Variants in PLA2G4F observed in about 807,000 individuals in gnomAD.
The protein encoded by PLA2G4F is cytosolic phospholipase A2 zeta.
In PLA2G4F, 105 loss-of-function variants were observed where a neutral mutation model predicts 103.1. The observed-to-expected ratio is 1.02, with a 90% CI of 0.87 to 1.20. The LOEUF is 1.20. Among genes scored for constraint, PLA2G4F ranks in the 50% most tolerant of loss-of-function variants. The probability of loss-of-function intolerance (pLI) is 0.00; values close to 1 mark genes in which losing one functional copy is unlikely to be tolerated. For missense variants in PLA2G4F, 1,155 were observed against 1,075.9 expected, an observed-to-expected ratio of 1.07 and a Z score of -1.03; for synonymous variants, 468 against 441.1, an observed-to-expected ratio of 1.06 and a Z score of -0.76.
intron 11 of PLA2G4F, chr15:42,149,165 C>A (rs966525658): frequency 3.6e-5 from 35 of 985,124 alleles, no homozygotes; most frequent in Non-Finnish European, 4.1e-5. Flanking sequence ...CAACTGTCCC[C>A]CTCCAAATTC....
intron 13 of PLA2G4F, chr15:42,146,766 T>A (rs2141129249): frequency 4.0e-6 from 1 of 251,536 alleles, no homozygotes; most frequent in East Asian, 9.8e-5. Context: ...GGTGTGGCGC[T>A]GGGCCTCACT....
At chr15:42,146,270 G>A in intron 13 of PLA2G4F, 29 bp from the exon 14 acceptor site, 1 of 1,601,982 alleles carries the variant, frequency 6.2e-7, no homozygotes, top group Non-Finnish European at 8.6e-7. Context: ...AGGCAGCTTG[G>A]CCTTTCAGGA....
chr15:42,145,597 G>C lies in PLA2G4F; in HGVS notation c.1758C>G (p.Tyr586Ter). Residue 586 changes from tyrosine to a stop codon, truncating the protein, a stop_gained, in exon 16 of 20, where the codon TAC becomes TAG. Transcript: ENST00000397272. LOFTEE classifies it high-confidence loss of function. ...CACCTGTGATATTCACACTGCCTCT[G>C]TACCACTCCAGGAAGCTGAGGCCCG... is the stretch of plus-strand genomic sequence containing the variant. ...AGSGLSFLEW[Y>*]RGSVNITDDC... The C allele has an allele frequency of 1.2e-6, 2 of 1,614,082 alleles. No homozygotes were observed. Among genetic ancestry groups the C allele is most frequent in the South Asian group, 2.2e-5 (2 of 91,078 alleles).
rs772537698 is a variant in PLA2G4F, at chr15:42,147,768, T to C, written c.1060-6A>G. 3 of 1,611,778 alleles carry C rather than the reference T, an allele frequency of 1.9e-6. No individual in the cohort carries two copies. The highest frequency in any genetic ancestry group is 2.5e-6 in the Non-Finnish European group (3 of 1,178,866). On this transcript the variant is annotated splice_region_variant and splice_polypyrimidine_tract_variant and intron_variant, in intron 11 of 19. Transcript: ENST00000397272. ...AACACAGCCACTACAGGCACCTGGG[T>C]ACAATAATAACAAGGATAACGACTC...
In PLA2G4F at chr15:42,154,294, C is replaced by T. The variant is rs200492623; in HGVS notation, c.321+28G>A. ...GTAGCTGCCTGAGGAGTTCCCCTCC[C>T]GCAGCCTGGCCCCTGGCTGGCCCTC... On this transcript the variant is annotated intron_variant, in intron 3 of 19. Transcript: ENST00000397272. The T allele has an allele frequency of 2.1e-5, 33 of 1,608,592 alleles. No individual in the cohort carries two copies. The East Asian group carries it at 3.4e-4, about 16-fold the overall frequency.
chr15:42,151,751 A>T (rs1467765447), intron 7 of PLA2G4F: 1 of 814,316 alleles, frequency 1.2e-6, no homozygotes, highest in East Asian at 1.2e-4. Context: ...AGAAGAAACC[A>T]TATAATCCGT....
Position 42,145,678 on chromosome 15 carries a change from C to T in PLA2G4F, c.1677G>A (p.Met559Ile), listed in dbSNP as rs770228280. ...PEPRICYLQG[M>I]WGSAFATSLD... ...GGCTGGTGGCAAAGGCGCTGCCCCACATACCTAAGGAGACAGGCAGGCCCC... is the reference window on the plus strand; with the variant it reads ...GGCTGGTGGCAAAGGCGCTGCCCCATATACCTAAGGAGACAGGCAGGCCCC... Residue 559 changes from methionine to isoleucine, a missense_variant, in exon 16 of 20, where the codon ATG (methionine) becomes ATA (isoleucine). By Grantham distance (10) the Met-to-Ile change is conservative. Transcript: ENST00000397272. 3 of 1,613,962 alleles carry T rather than the reference C, an allele frequency of 1.9e-6. No individual in the cohort carries two copies. Among genetic ancestry groups the T allele is most frequent in the Admixed American group, 3.3e-5 (2 of 60,010 alleles).
At chr15:42,150,898 C>T in intron 7 of PLA2G4F, 121 bp from the exon 8 acceptor site, 14 of 1,477,792 alleles carry the variant, frequency 9.5e-6, no homozygotes, top group East Asian at 2.5e-5. Flanking sequence ...AATGCCAGCT[C>T]TTATCGCCCG....
chr15:42,151,792 G>C (rs2048964968), intron 7 of PLA2G4F: 1 of 474,598 alleles, frequency 2.1e-6, no homozygotes, highest in South Asian at 8.9e-5. Flanking sequence ...CACCGACCTG[G>C]GTTTGACCCT....
At chr15:42,150,352 G>A (rs1376188254) in intron 9 of PLA2G4F, 21 bp downstream of exon 9, 1 of 1,589,514 alleles carries the variant, frequency 6.3e-7, no homozygotes, top group African/African-American at 1.3e-5. Context: ...GGGTCCCTCT[G>A]GCACCCAGAC....
chr15:42,153,856 T>C (rs2048984796), intron 4 of PLA2G4F, among the ~76,000 whole-genome samples, 196 bp from the exon 5 acceptor site: 1 of 152,220 alleles, frequency 6.6e-6, no homozygotes, highest in Non-Finnish European at 1.5e-5. Context: ...GGTGCTGTTC[T>C]AGACATTGAT....
At chr15:42,145,983 CAAT>C in intron 14 of PLA2G4F, 80 bp from the exon 15 acceptor site, 1 of 1,595,330 alleles carries the variant, frequency 6.3e-7, no homozygotes, top group Non-Finnish European at 8.6e-7. Context: ...TTAGCCTTGA[CAAT>C]GACAGGAAGA....
chr15:42,140,032 T>C lies in PLA2G4F; in HGVS notation c.*1952A>G, dbSNP rs2048815230. 6.6e-6 allele frequency: 1 copy of C among 152,198 alleles called. No homozygotes were observed. The highest frequency in any genetic ancestry group is 2.4e-5 in the African/African-American group (1 of 41,440). The allele number at this position is 152,198 out of a possible 1,614,324, so 9.4% of individuals were successfully genotyped here. A position where few individuals can be genotyped will look rare whatever the true frequency, so the allele number is the denominator to read the frequency against. On this transcript the variant is annotated 3_prime_UTR_variant, in exon 20 of 20. Transcript: ENST00000397272. ...AGACCTTATTGTAAGCAACTTTTCA[T>C]GTGTGTGTGTATGCCTTTTTCTTGG...
chr15:42,141,918 C>A lies in PLA2G4F; in HGVS notation c.*66G>T. 1 of 1,489,082 alleles carries A rather than the reference C, an allele frequency of 6.7e-7. No homozygotes were observed. Among genetic ancestry groups the A allele is most frequent in the Non-Finnish European group, 9.2e-7 (1 of 1,083,770 alleles). The allele number at this position is 1,489,082 out of a possible 1,614,324, so 92.2% of individuals were successfully genotyped here. A position where few individuals can be genotyped will look rare whatever the true frequency, so the allele number is the denominator to read the frequency against. On this transcript the variant is annotated 3_prime_UTR_variant, in exon 20 of 20. Coordinates refer to ENST00000397272, the MANE Select transcript of PLA2G4F (RefSeq NM_213600.4). ...TGCACAGAGTCCCCATCGCTCCTCC[C>A]TCTACAAGCCCTGACCATGAGCAGT...
intron 2 of PLA2G4F, among the ~76,000 whole-genome samples, chr15:42,154,789 G>T (rs911944580): frequency 6.6e-6 from 1 of 152,144 alleles, no homozygotes; most frequent in African/African-American, 2.4e-5. Flanking sequence ...CTGAGAGCGC[G>T]TGCTGACTTG....
At chr15:42,146,923 C>T (rs1308478298) in intron 13 of PLA2G4F, 1 of 586,416 alleles carries the variant, frequency 1.7e-6, no homozygotes, top group South Asian at 2.1e-5. Context: ...GCGGACCAGG[C>T]TCCTCCTCCC....
In PLA2G4F at chr15:42,142,643, C is replaced by G; in HGVS notation, c.2214G>C (p.Glu738Asp). 1.2e-6 allele frequency: 2 copies of G among 1,614,110 alleles called. No homozygotes were observed. Among genetic ancestry groups the G allele is most frequent in the Non-Finnish European group, 1.7e-6 (2 of 1,180,002 alleles). ...IPFPSIEVGP[E>D]DMEEARECYL... ...AGCACTCACGGGCCTCCTCCATGTC[C>G]TCAGGGCCCACCTCGATGCTAGGGA... The change falls in exon 19 of 20, where the codon GAG (glutamate) becomes GAC (aspartate). Residue 738 changes from glutamate to aspartate, a missense_variant. This residue lies in a region of PLA2G4F where 782 missense variants were observed against 692.9 expected (regional missense o/e 1.13). Coordinates refer to ENST00000397272, the MANE Select transcript of PLA2G4F (RefSeq NM_213600.4).
chr15:42,140,224 C>G lies in PLA2G4F; in HGVS notation c.*1760G>C, dbSNP rs1281045579. 1 of 152,268 alleles carries G rather than the reference C, an allele frequency of 6.6e-6. No individual in the cohort carries two copies. Among genetic ancestry groups the G allele is most frequent in the Admixed American group, 6.5e-5 (1 of 15,290 alleles). The allele number at this position is 152,268 out of a possible 1,614,324, so 9.4% of individuals were successfully genotyped here. On this transcript the variant is annotated 3_prime_UTR_variant, in exon 20 of 20. Coordinates refer to ENST00000397272, the MANE Select transcript of PLA2G4F (RefSeq NM_213600.4). Reference sequence around the variant, plus strand: ...CTGAGCACCTACCATGTATCAACTGCTGCTCTAGGCACTGAGGATACAGCA... The same window carrying G: ...CTGAGCACCTACCATGTATCAACTGGTGCTCTAGGCACTGAGGATACAGCA...
At position 42,147,098 on chromosome 15, in the gene PLA2G4F, G is replaced by GTAT. The variant is rs1478516203; in HGVS notation, c.1419+23_1419+25dup. ...GTGGAAGGAGTGGAGAGGAGCCTACGTATTTCCTTCTGGCTCTTCTCTCAC... is the reference window on the plus strand; with the variant it reads ...GTGGAAGGAGTGGAGAGGAGCCTACGTATTATTTCCTTCTGGCTCTTCTCTCAC... On this transcript the variant is annotated intron_variant, in intron 13 of 19. Coordinates refer to ENST00000397272, the MANE Select transcript of PLA2G4F (RefSeq NM_213600.4). The GTAT allele has an allele frequency of 2.5e-6, 4 of 1,592,598 alleles. No homozygotes were observed. The African/African-American group carries it at 4.0e-5, about 16-fold the overall frequency.
Sources: gnomAD v4.1 joint callset for allele counts (sites outside exome capture counted in the v4.1 genomes callset) on GRCh38, gnomAD v4.1.1 for gene constraint, gnomAD v4.1.1 regional missense constraint, MANE v1.5 for transcripts, NCBI Gene and HGNC (gene_info 2026-07-23, HGNC 2026-07-21) for gene names.